Variants in ZNF892 observed in about 807,000 individuals in gnomAD.
ZNF892 encodes the protein zinc finger protein 892.
chr2:95,256,807 C>T, the ZNF892 span, among the ~76,000 whole-genome samples: 1 of 152,176 alleles, frequency 6.6e-6, no homozygotes, highest in Non-Finnish European at 1.5e-5. Flanking sequence ...TCTCTTCTCG[C>T]TTCATTTCAT....
At chr2:95,227,990 T>A in the ZNF892 span, among the ~76,000 whole-genome samples, 453 of 152,344 alleles carry the variant, frequency 3.0e-3, 3 homozygotes, top group South Asian at 0.022. Context: ...CACAGTTAGT[T>A]TAAATTTATC....
the ZNF892 span, among the ~76,000 whole-genome samples, chr2:95,232,986 T>C: frequency 6.6e-6 from 1 of 152,118 alleles, no homozygotes; most frequent in African/African-American, 2.4e-5. Flanking sequence ...GCTCCCTAGT[T>C]AGTTTGCCTC....
the ZNF892 span, among the ~76,000 whole-genome samples, chr2:95,216,953 G>C: frequency 6.6e-6 from 1 of 152,118 alleles, no homozygotes; most frequent in Admixed American, 6.5e-5. Flanking sequence ...GTCTGAATCT[G>C]CTCAATCTGC....
chr2:95,214,499 A>G, the ZNF892 span: 7 of 398,566 alleles, frequency 1.8e-5, no homozygotes, highest in African/African-American at 4.1e-5. Context: ...AACATTTAAT[A>G]CAAGAGGCTG....
the ZNF892 span, chr2:95,211,618 G>T: frequency 5.0e-6 from 2 of 398,568 alleles, no homozygotes; most frequent in African/African-American, 4.1e-5. Context: ...GGTTTTTCAG[G>T]AATTGATGAT....
chr2:95,254,197 G>A, the ZNF892 span, among the ~76,000 whole-genome samples: 113 of 152,284 alleles, frequency 7.4e-4, no homozygotes, highest in African/African-American at 2.4e-3. Flanking sequence ...TGCCCATTCA[G>A]TATGATATTG....
chr2:95,238,920 C>G, the ZNF892 span, among the ~76,000 whole-genome samples: 4 of 152,106 alleles, frequency 2.6e-5, no homozygotes, highest in South Asian at 2.1e-4. Context: ...GGGTGGATCA[C>G]CTGAGCTCAG....
At chr2:95,210,211 G>GTA in the ZNF892 span, among the ~76,000 whole-genome samples, 2 of 146,700 alleles carry the variant, frequency 1.4e-5, no homozygotes, top group African/African-American at 4.9e-5. Flanking sequence ...GTATATATGT[G>GTA]TATATATGTA....
chr2:95,253,763 G>A, the ZNF892 span, among the ~76,000 whole-genome samples: 1 of 152,146 alleles, frequency 6.6e-6, no homozygotes, highest in South Asian at 2.1e-4. Context: ...ATTTCATTGT[G>A]CAGTGGTTTG....
chr2:95,260,140 A>C, the ZNF892 span, among the ~76,000 whole-genome samples: 3 of 152,104 alleles, frequency 2.0e-5, no homozygotes, highest in African/African-American at 7.2e-5. Flanking sequence ...CCCATGTCTG[A>C]GTTTCTGCTT....
chr2:95,219,844 G>T, the ZNF892 span, among the ~76,000 whole-genome samples: 1 of 152,162 alleles, frequency 6.6e-6, no homozygotes, highest in Admixed American at 6.5e-5. Flanking sequence ...ATACTGCTCG[G>T]CAAGGGTGGG....
the ZNF892 span, among the ~76,000 whole-genome samples, chr2:95,226,659 A>G: frequency 6.6e-6 from 1 of 152,188 alleles, no homozygotes; most frequent in African/African-American, 2.4e-5. Context: ...TAAGCAGGAA[A>G]CATTACCTCA....
chr2:95,236,134 C>T, the ZNF892 span, among the ~76,000 whole-genome samples: 30 of 152,298 alleles, frequency 2.0e-4, no homozygotes, highest in Middle Eastern at 3.4e-3. Context: ...TCTGTCTGGT[C>T]ATATCTGAAA....
the ZNF892 span, among the ~76,000 whole-genome samples, chr2:95,242,799 T>C: frequency 6.6e-6 from 1 of 151,862 alleles, no homozygotes; most frequent in African/African-American, 2.4e-5. Flanking sequence ...GGAAGAAAAT[T>C]TACCAAACCT....
At chr2:95,209,133 GT>G in the ZNF892 span, among the ~76,000 whole-genome samples, 7 of 151,806 alleles carry the variant, frequency 4.6e-5, no homozygotes, top group Non-Finnish European at 7.4e-5. Flanking sequence ...CTCTGAAAGA[GT>G]TTTTTTTTAT....
At chr2:95,219,852 G>A in the ZNF892 span, among the ~76,000 whole-genome samples, 4 of 152,188 alleles carry the variant, frequency 2.6e-5, no homozygotes, top group Non-Finnish European at 5.9e-5. Flanking sequence ...CGGCAAGGGT[G>A]GGATTTATAG....
At chr2:95,208,813 G>T in the ZNF892 span, 1 of 397,930 alleles carries the variant, frequency 2.5e-6, no homozygotes, top group Admixed American at 4.4e-5. Context: ...TTATGGAATT[G>T]CTCAGCCCTG....
the ZNF892 span, among the ~76,000 whole-genome samples, chr2:95,252,787 G>A: frequency 6.6e-6 from 1 of 152,210 alleles, no homozygotes; most frequent in Non-Finnish European, 1.5e-5. Flanking sequence ...TCTAACTGGT[G>A]TGAGATGGTA....
the ZNF892 span, chr2:95,207,685 A>T: frequency 1.5e-5 from 6 of 396,968 alleles, no homozygotes; most frequent in African/African-American, 1.2e-4. Flanking sequence ...GGGTGGCGGG[A>T]GGACCCCCGG....
Sources: gnomAD v4.1 joint callset for allele counts (sites outside exome capture counted in the v4.1 genomes callset) on GRCh38, gnomAD v4.1.1 for gene constraint, MANE v1.5 for transcripts, NCBI Gene and HGNC (gene_info 2026-07-23, HGNC 2026-07-21) for gene names.